The following PRKCI variants were observed in gnomAD, a reference collection of about 807,000 sequenced individuals.
The protein encoded by PRKCI is protein kinase C iota, also known as protein kinase C iota type.
In PRKCI, 43 loss-of-function variants were observed where a neutral mutation model predicts 84.0. The observed-to-expected ratio is 0.51, with a 90% CI of 0.40 to 0.66. The LOEUF (loss-of-function observed/expected upper bound fraction) is 0.66, where lower values mean the gene tolerates loss of function less well. PRKCI is among the 30% of genes least tolerant of loss of function. PRKCI has a pLI of 0.00. For synonymous variants in PRKCI, 216 were observed against 234.4 expected (o/e 0.92, Z 0.72); for missense variants, 459 against 745.6 (o/e 0.62, Z 4.48).
In PRKCI at chr3:170,284,513, A is replaced by G. The variant is rs1734325582; in HGVS notation, c.1120A>G (p.Ile374Val). 3.7e-6 allele frequency: 6 copies of G among 1,604,726 alleles called. No homozygotes were observed. Among genetic ancestry groups the G allele is most frequent in the Non-Finnish European group, 5.1e-6 (6 of 1,172,216 alleles). Residue 374 changes from isoleucine to valine, a missense_variant, in exon 12 of 18, where the codon ATA becomes GTA. Coordinates refer to ENST00000295797, the MANE Select transcript of PRKCI (RefSeq NM_002740.6). ...LALNYLHERGIIYRDLKLDNV... is the reference protein window; with the variant it reads ...LALNYLHERGVIYRDLKLDNV... ...ATTAAATTATCTTCATGAGCGAGGG[A>G]TAATTTATAGAGATTTGAAACTGGA...
chr3:170,240,474 T>A (rs904045898), intron 2 of PRKCI, among the ~76,000 whole-genome samples: 9 of 152,194 alleles, frequency 5.9e-5, no homozygotes, highest in African/African-American at 1.9e-4. Flanking sequence ...AAAGGTTAAA[T>A]TTTTCATTAA....
chr3:170,239,332 C>T (rs1331555167), intron 2 of PRKCI, among the ~76,000 whole-genome samples: 1 of 152,182 alleles, frequency 6.6e-6, no homozygotes, highest in Non-Finnish European at 1.5e-5. Context: ...AATATGTCTT[C>T]AGCCAGAAAA....
At chr3:170,275,734 G>GT (rs1734098517) in intron 8 of PRKCI, among the ~76,000 whole-genome samples, 1 of 151,846 alleles carries the variant, frequency 6.6e-6, no homozygotes. Flanking sequence ...ATAATAATCA[G>GT]TTTTTTGAAA....
chr3:170,275,238 A>G lies in PRKCI; in HGVS notation c.656A>G (p.Tyr219Cys), dbSNP rs191938996. 278 of 1,570,904 alleles carry G rather than the reference A, an allele frequency of 1.8e-4. No individual in the cohort carries two copies. Among genetic ancestry groups the G allele is most frequent in the Non-Finnish European group, 2.1e-4 (244 of 1,165,396 alleles). The change falls in exon 8 of 18, where the codon TAT becomes TGT. Residue 219 changes from tyrosine (Y) to cysteine (C), a missense_variant. Around this residue, in one of 2 missense-constraint regions of PRKCI, gnomAD observed 250 missense variants for 319.7 expected, o/e 0.78. Coordinates refer to ENST00000295797, the MANE Select transcript of PRKCI (RefSeq NM_002740.6). ...HSDHAQTVIP[Y>C]NPSSHESLDQ... is the part of the protein sequence containing the mutation. ...GGTATTGGGTTTTTAGTAATTCCATATAATCCTTCAAGTCATGAGAGTTTG... is the reference window on the plus strand; with the variant it reads ...GGTATTGGGTTTTTAGTAATTCCATGTAATCCTTCAAGTCATGAGAGTTTG...
At chr3:170,280,734 G>A (rs1439455726) in intron 9 of PRKCI, among the ~76,000 whole-genome samples, 4 of 152,090 alleles carry the variant, frequency 2.6e-5, no homozygotes, top group Admixed American at 1.3e-4. Flanking sequence ...ATAGGCGTGA[G>A]CCACCGCACC....
At chr3:170,227,735 A>G (rs1429617312) in intron 1 of PRKCI, among the ~76,000 whole-genome samples, 1 of 152,248 alleles carries the variant, frequency 6.6e-6, no homozygotes, top group African/African-American at 2.4e-5. Context: ...CTTGAATGTC[A>G]TACTGCAGAG....
intron 8 of PRKCI, 103 bp downstream of exon 8, chr3:170,275,390 T>C (rs1734092234): frequency 1.9e-6 from 2 of 1,037,232 alleles, no homozygotes; most frequent in Non-Finnish European, 2.6e-6. Flanking sequence ...TAGATCATAA[T>C]GGTGAAATGC....
intron 13 of PRKCI, among the ~76,000 whole-genome samples, chr3:170,292,881 AAC>A (rs767289146): frequency 6.6e-5 from 10 of 151,134 alleles, no homozygotes; most frequent in South Asian, 2.1e-4. Context: ...CTCTACTGAA[AAC>A]ACAAAAAATT....
rs751718141 is a variant in PRKCI, at chr3:170,280,376, G to T, written c.855G>T (p.Val285=). ...KTDRIYAMKV[V]KKELVNDDED... ...ATCGTATTTATGCAATGAAAGTTGT[G>T]AAAAAAGAGCTTGTTAATGATGATG... Residue 285 remains valine, a synonymous_variant, in exon 9 of 18, where the codon GTG becomes GTT. Transcript: ENST00000295797. The T allele has an allele frequency of 2.5e-6, 4 of 1,612,264 alleles. No homozygotes were observed. In the South Asian group the frequency reaches 4.4e-5, roughly 18 times the overall value.
At chr3:170,297,474 A>T (rs1043677252) in intron 16 of PRKCI, 81 bp downstream of exon 16, 139 of 1,167,592 alleles carry the variant, frequency 1.2e-4, no homozygotes, top group Non-Finnish European at 1.6e-4. Flanking sequence ...GTTTGTTTTT[A>T]GACAGAGTCT....
intron 7 of PRKCI, among the ~76,000 whole-genome samples, chr3:170,274,567 G>A (rs968226479): frequency 2.0e-5 from 3 of 152,180 alleles, no homozygotes; most frequent in Non-Finnish European, 4.4e-5. Context: ...CCTTAAACAC[G>A]TATCTGGGAA....
At chr3:170,287,395 G>A (rs1483894479) in intron 12 of PRKCI, among the ~76,000 whole-genome samples, 1 of 151,610 alleles carries the variant, frequency 6.6e-6, no homozygotes, top group Non-Finnish European at 1.5e-5. Flanking sequence ...TATAACAGAT[G>A]AAGTCTTAAC....
intron 4 of PRKCI, among the ~76,000 whole-genome samples, chr3:170,266,196 C>T (rs1733852880): frequency 6.6e-6 from 1 of 152,078 alleles, no homozygotes; most frequent in African/African-American, 2.4e-5. Context: ...GAACCTCTTT[C>T]TCTAACTATA....
chr3:170,242,598 A>G (rs1577345494), intron 2 of PRKCI, among the ~76,000 whole-genome samples: 2 of 152,202 alleles, frequency 1.3e-5, no homozygotes, highest in Admixed American at 6.5e-5. Flanking sequence ...GAACTTATAC[A>G]TTATGAATTA....
chr3:170,278,910 A>G (rs1269234357), intron 8 of PRKCI, among the ~76,000 whole-genome samples: 1 of 152,202 alleles, frequency 6.6e-6, no homozygotes, highest in Non-Finnish European at 1.5e-5. Flanking sequence ...CAAGCCATTC[A>G]TGAGGAATCT....
chr3:170,224,590 C>T (rs1732583083), intron 1 of PRKCI, among the ~76,000 whole-genome samples: 1 of 152,160 alleles, frequency 6.6e-6, no homozygotes, highest in East Asian at 1.9e-4. Flanking sequence ...GTGGCACAAT[C>T]TCGGCTCACT....
chr3:170,268,949 C>CT (rs1322015834), intron 5 of PRKCI, among the ~76,000 whole-genome samples: 1 of 152,114 alleles, frequency 6.6e-6, no homozygotes, highest in Non-Finnish European at 1.5e-5. Context: ...GAGTCCCGCT[C>CT]TATCGCCCAG....
chr3:170,289,521 C>T (rs55959235), intron 12 of PRKCI, among the ~76,000 whole-genome samples: 4,729 of 152,194 alleles, frequency 0.031, 119 homozygotes, highest in Middle Eastern at 0.1. Flanking sequence ...CGCCTGTAAT[C>T]GCAGCACTTT....
intron 2 of PRKCI, among the ~76,000 whole-genome samples, chr3:170,252,849 A>G (rs564881281): frequency 1.3e-5 from 2 of 152,188 alleles, no homozygotes; most frequent in South Asian, 4.1e-4. Context: ...CTGTGTGAGT[A>G]TAGTTTTGTA....
Sources: gnomAD v4.1 joint callset for allele counts (sites outside exome capture counted in the v4.1 genomes callset) on GRCh38, gnomAD v4.1.1 for gene constraint, gnomAD v4.1.1 regional missense constraint, MANE v1.5 for transcripts, NCBI Gene and HGNC (gene_info 2026-07-23, HGNC 2026-07-21) for gene names.